Variants in SBK1 observed in about 807,000 individuals in gnomAD.
The protein encoded by SBK1 is SH3 domain binding kinase 1.
A neutral mutation model predicts 24.4 loss-of-function variants in SBK1; 11 were observed. That is an observed-to-expected ratio of 0.45 (90% CI 0.28 to 0.75). SBK1 has a LOEUF of 0.75. Ranked by LOEUF, SBK1 falls within the 30% of genes least tolerant of loss-of-function variation. The pLI is 0.12. For synonymous variants in SBK1, 308 were observed against 284.4 expected (o/e 1.08, Z -0.83); for missense variants, 467 against 620.5 (o/e 0.75, Z 2.63).
intron 1 of SBK1, among the ~76,000 whole-genome samples, chr16:28,316,077 T>C (rs1454628652): frequency 6.6e-6 from 1 of 152,132 alleles, no homozygotes; most frequent in Non-Finnish European, 1.5e-5. Context: ...AATACAATTT[T>C]TGAAAAAGTC....
intron 1 of SBK1, among the ~76,000 whole-genome samples, chr16:28,297,133 C>T (rs1001562070): frequency 6.6e-6 from 1 of 151,902 alleles, no homozygotes; most frequent in Non-Finnish European, 1.5e-5. Context: ...AGTTTGCGAC[C>T]AGCCTGGCCA....
intron 1 of SBK1, among the ~76,000 whole-genome samples, chr16:28,280,147 A>ATGTGTGTGTGTGTGTG (rs1258164420): frequency 2.3e-4 from 11 of 48,380 alleles, no homozygotes; most frequent in Non-Finnish European, 4.6e-4. Flanking sequence ...ATATATATAT[A>ATGTGTGTGTGTGTGTG]TATGTGTGTG....
chr16:28,300,310 T>TTTTG (rs61561185), intron 1 of SBK1, among the ~76,000 whole-genome samples: 69 of 150,650 alleles, frequency 4.6e-4, no homozygotes, highest in African/African-American at 6.8e-4. Context: ...TATCTCTCTT[T>TTTTG]TTTGTTTGTT....
At position 28,317,820 on chromosome 16, in the gene SBK1, G is replaced by A. The variant is rs2044808920; in HGVS notation, c.226+203G>A. On this transcript the variant is annotated intron_variant, in intron 2 of 3. Transcript: ENST00000341901. The surrounding 1 kb of genome is among the most constrained non-coding windows in gnomAD (Gnocchi z 4.2). ...AGACTGGGCAGATGGGGCAAGGGAG[G>A]AATCCGGGGCAGAGTGGCCAGGGTA... is the stretch of plus-strand genomic sequence containing the variant. 6.6e-6 allele frequency among the ~76,000 whole-genome samples: 1 copy of A among 152,096 alleles called. No homozygotes were observed. The highest frequency in any genetic ancestry group is 2.4e-5 in the African/African-American group (1 of 41,418).
intron 1 of SBK1, among the ~76,000 whole-genome samples, chr16:28,283,738 A>G (rs975837088): frequency 6.6e-6 from 1 of 152,174 alleles, no homozygotes; most frequent in East Asian, 1.9e-4. Context: ...TAGAGGACAG[A>G]GGCTGTGTAA....
At chr16:28,271,914 G>T (rs1226553187) in intron 1 of SBK1, among the ~76,000 whole-genome samples, 1 of 152,138 alleles carries the variant, frequency 6.6e-6, no homozygotes, top group African/African-American at 2.4e-5. Context: ...CCACAGAATG[G>T]CAGAAAATAT....
intron 1 of SBK1, among the ~76,000 whole-genome samples, chr16:28,316,101 G>A (rs991682190): frequency 2.0e-5 from 3 of 152,100 alleles, no homozygotes; most frequent in African/African-American, 4.8e-5. Context: ...TTGGCCAGGC[G>A]CAGTGTTCAT....
At chr16:28,307,407 C>T (rs2044724780) in intron 1 of SBK1, among the ~76,000 whole-genome samples, 2 of 152,192 alleles carry the variant, frequency 1.3e-5, no homozygotes, top group Admixed American at 6.5e-5. Flanking sequence ...AAAAGCTTAA[C>T]CACTATGCTT....
intron 1 of SBK1, among the ~76,000 whole-genome samples, chr16:28,302,352 G>A (rs1005275668): frequency 3.3e-5 from 5 of 152,266 alleles, no homozygotes; most frequent in African/African-American, 9.6e-5. Flanking sequence ...CTGCACTGGA[G>A]TAAACAAAGG....
upstream of SBK1, chr16:28,292,266 G>T (rs1394337743): frequency 3.3e-5 from 4 of 122,026 alleles, no homozygotes; most frequent in Non-Finnish European, 7.1e-5. Context: ...TGGGGTGGGT[G>T]GGGGGTGGGG....
chr16:28,276,087 G>C (rs2044492589), intron 1 of SBK1, among the ~76,000 whole-genome samples: 1 of 152,196 alleles, frequency 6.6e-6, no homozygotes, highest in Non-Finnish European at 1.5e-5. Context: ...AGGAGGGGTT[G>C]TGGTTTGATG....
intron 1 of SBK1, among the ~76,000 whole-genome samples, chr16:28,301,967 G>A (rs374409696): frequency 3.9e-5 from 6 of 152,356 alleles, no homozygotes; most frequent in African/African-American, 1.4e-4. Context: ...CCTTCTCTTT[G>A]TGAGCCAAAA....
At position 28,292,794 on chromosome 16, in the gene SBK1, G is replaced by T. The variant is rs1339421649; in HGVS notation, c.-514G>T. On this transcript the variant is annotated 5_prime_UTR_variant, in exon 1 of 4. Coordinates refer to ENST00000341901, the MANE Select transcript of SBK1 (RefSeq NM_001024401.3). The stretch of plus-strand genomic sequence containing the variant: ...GGATCCGGCGAGCCTCGGGGAAGAG[G>T]GGGGGCCCTCCCGGATCCGACACCG... 2 of 985,330 alleles carry T rather than the reference G, an allele frequency of 2.0e-6. No homozygotes were observed. The highest frequency in any genetic ancestry group is 2.4e-6 in the Non-Finnish European group (2 of 829,854). 61.0% of individuals were successfully genotyped at this position (985,330 alleles called of 1,614,324 possible).
chr16:28,275,027 T>C (rs2044487645), intron 1 of SBK1, among the ~76,000 whole-genome samples: 1 of 152,086 alleles, frequency 6.6e-6, no homozygotes, highest in Non-Finnish European at 1.5e-5. Flanking sequence ...ATGGTTGTCC[T>C]TATGAAGTGG....
Position 28,319,469 on chromosome 16 carries a change from C to A in SBK1, c.429+272C>A, listed in dbSNP as rs2726040. Among the ~76,000 whole-genome samples, 8 of 151,886 alleles carry A rather than the reference C, an allele frequency of 5.3e-5. No individual in the cohort carries two copies. Reference sequence around the variant, plus strand: ...AATGATGGGATGAAGTCACTGGGCCCTCCCCTGGGGCTACACAAGAGGAGA... The same window carrying A: ...AATGATGGGATGAAGTCACTGGGCCATCCCCTGGGGCTACACAAGAGGAGA... On this transcript the variant is annotated intron_variant, in intron 3 of 3. Coordinates refer to ENST00000341901, the MANE Select transcript of SBK1 (RefSeq NM_001024401.3). The surrounding 1 kb of genome is among the most constrained non-coding windows in gnomAD (Gnocchi z 4.0).
intron 1 of SBK1, among the ~76,000 whole-genome samples, chr16:28,260,993 G>A (rs1293145204): frequency 5.3e-5 from 8 of 152,112 alleles, no homozygotes; most frequent in Admixed American, 3.3e-4. Flanking sequence ...GGAAGGCTTG[G>A]TGCAAATAAG....
At chr16:28,294,986 G>T (rs913868441) in intron 1 of SBK1, among the ~76,000 whole-genome samples, 1 of 152,198 alleles carries the variant, frequency 6.6e-6, no homozygotes, top group Non-Finnish European at 1.5e-5. Context: ...TTGAAGGGCG[G>T]ATGGAGATCG....
At chr16:28,277,853 C>T (rs1340833982) in intron 1 of SBK1, among the ~76,000 whole-genome samples, 1 of 152,216 alleles carries the variant, frequency 6.6e-6, no homozygotes, top group African/African-American at 2.4e-5. Context: ...TCCTGCACTA[C>T]GGCGAAACGG....
At chr16:28,283,709 C>T (rs531207974) in intron 1 of SBK1, among the ~76,000 whole-genome samples, 17 of 152,208 alleles carry the variant, frequency 1.1e-4, no homozygotes, top group African/African-American at 2.2e-4. Flanking sequence ...CCAGAGGAAA[C>T]GGGGGTTCTG....
Sources: allele counts gnomAD v4.1 joint callset (sites outside exome capture counted in the v4.1 genomes callset), GRCh38; gene constraint gnomAD v4.1.1; non-coding constraint Gnocchi (gnomAD v3.1); transcripts MANE v1.5; gene names NCBI Gene and HGNC (gene_info 2026-07-23, HGNC 2026-07-21).